The following SLFN12L variants were observed in gnomAD, a reference collection of about 807,000 sequenced individuals.
SLFN12L encodes schlafen family member 12-like.
In SLFN12L, 34 loss-of-function variants were observed where a neutral mutation model predicts 34.8. That is an observed-to-expected ratio of 0.98 (90% CI 0.74 to 1.30). SLFN12L has a LOEUF of 1.30. SLFN12L is among the 50% of genes most tolerant of loss of function. The pLI, the probability that SLFN12L is intolerant of heterozygous loss-of-function variation, is 0.00. For synonymous variants in SLFN12L, 259 were observed against 247.5 expected, an observed-to-expected ratio of 1.05 and a Z score of -0.44; for missense variants, 703 against 696.2, an observed-to-expected ratio of 1.01 and a Z score of -0.11.
At position 35,490,298 on chromosome 17, in the gene SLFN12L, G is replaced by A. The variant is rs1914783097; in HGVS notation, c.87-10103C>T. The A allele has an allele frequency of 2.0e-6, 3 of 1,470,578 alleles. No homozygotes were observed. The African/African-American group carries it at 4.2e-5, about 20-fold the overall frequency. The allele number at this position is 1,470,578 out of a possible 1,614,324, so 91.1% of individuals were successfully genotyped here. On this transcript the variant is annotated intron_variant, in intron 2 of 4. Transcript: ENST00000628453. ...AACCCCCAAGGGCAAAGGAAGAGCT[G>A]CACTAAGAAGTCCAGATACTCCAAA...
intron 2 of SLFN12L, among the ~76,000 whole-genome samples, chr17:35,514,569 A>G (rs2142161780): frequency 6.6e-6 from 1 of 152,368 alleles, no homozygotes; most frequent in African/African-American, 2.4e-5. Context: ...TTAAAAAATG[A>G]AAAGATCTCT....
intron 2 of SLFN12L, among the ~76,000 whole-genome samples, chr17:35,514,283 G>A (rs1369065587): frequency 5.9e-5 from 9 of 152,186 alleles, no homozygotes; most frequent in South Asian, 2.1e-4. Flanking sequence ...AGCACACCTC[G>A]CAGATTTATG....
chr17:35,497,738 G>A lies in SLFN12L; in HGVS notation c.87-17543C>T, dbSNP rs1915140229. Among the ~76,000 whole-genome samples the A allele has an allele frequency of 1.3e-5, 2 of 152,138 alleles. 1 individual carries two copies. Among genetic ancestry groups the A allele is most frequent in the South Asian group, 4.1e-4 (2 of 4,830 alleles). On this transcript the variant is annotated intron_variant, in intron 2 of 4. Transcript: ENST00000628453. ...TTTATTTCACACCAGGGAGAATCAG[G>A]GAGAAGATTCAAAAGCATTGTGTAA...
At chr17:35,517,696 C>T (rs945625091) in intron 2 of SLFN12L, among the ~76,000 whole-genome samples, 5 of 152,170 alleles carry the variant, frequency 3.3e-5, no homozygotes, top group Non-Finnish European at 7.4e-5. Context: ...GGTACCAAAA[C>T]AGATACATCA....
At chr17:35,493,905 T>C (rs1914937933) in intron 2 of SLFN12L, among the ~76,000 whole-genome samples, 1 of 152,242 alleles carries the variant, frequency 6.6e-6, no homozygotes, top group Admixed American at 6.5e-5. Flanking sequence ...TGTTCTTAGT[T>C]GTGGTTCTTC....
intron 1 of SLFN12L, among the ~76,000 whole-genome samples, chr17:35,530,764 C>T (rs2072403975): frequency 6.6e-6 from 1 of 152,122 alleles, no homozygotes; most frequent in Non-Finnish European, 1.5e-5. Flanking sequence ...GAGAAGGGGG[C>T]TCCTAAGACT....
intron 2 of SLFN12L, among the ~76,000 whole-genome samples, chr17:35,485,701 A>G (rs766595148): frequency 2.6e-5 from 4 of 152,238 alleles, no homozygotes; most frequent in Admixed American, 2.0e-4. Flanking sequence ...GGTGAGAGAC[A>G]GGGATCCAGT....
intron 2 of SLFN12L, among the ~76,000 whole-genome samples, chr17:35,510,615 G>A (rs1244635142): frequency 1.3e-5 from 2 of 152,138 alleles, no homozygotes; most frequent in Non-Finnish European, 2.9e-5. Context: ...GAGAGTGAGC[G>A]CTAATGGATG....
At chr17:35,492,272 A>G (rs899568026) in intron 2 of SLFN12L, among the ~76,000 whole-genome samples, 1 of 152,162 alleles carries the variant, frequency 6.6e-6, no homozygotes, top group Admixed American at 6.5e-5. Flanking sequence ...GCTTGGAGCG[A>G]GTCAGTCCTG....
intron 2 of SLFN12L, among the ~76,000 whole-genome samples, chr17:35,519,288 A>G (rs1915930940): frequency 6.6e-6 from 1 of 152,214 alleles, no homozygotes; most frequent in African/African-American, 2.4e-5. Context: ...GCAAACTACC[A>G]TGGCACATGT....
In SLFN12L at chr17:35,479,730, T is replaced by C. The variant is rs1397876287; in HGVS notation, c.552A>G (p.Ala184=). Residue 184 remains alanine (A), a synonymous_variant, in exon 3 of 5, where the codon GCA becomes GCG. Transcript: ENST00000628453. The part of the protein sequence containing the change: ...TSAKVMNASA[A]LEFLKDMEKT... Reference sequence around the variant, plus strand: ...TTTCCATGTCTTTGAGGAACTCCAGTGCAGCAGAAGCATTCATGACTTTTG... The same window carrying C: ...TTTCCATGTCTTTGAGGAACTCCAGCGCAGCAGAAGCATTCATGACTTTTG... The C allele has an allele frequency of 6.2e-7, 1 of 1,614,154 alleles. No individual in the cohort carries two copies. The highest frequency in any genetic ancestry group is 1.3e-5 in the African/African-American group (1 of 75,052).
chr17:35,479,689 G>A lies in SLFN12L; in HGVS notation c.593C>T (p.Ala198Val), dbSNP rs769467787. 3 of 1,613,474 alleles carry A rather than the reference G, an allele frequency of 1.9e-6. No individual in the cohort carries two copies. Among genetic ancestry groups the A allele is most frequent in the Middle Eastern group, 1.7e-4 (1 of 6,058 alleles). ...LKDMEKTGGR[A>V]YLRPEFPAKR... Reference sequence around the variant, plus strand: ...TGCAGGGAATTCTGGTCTTAAATATGCTCTCCCTCCAGTTTTTTCCATGTC... The same window carrying A: ...TGCAGGGAATTCTGGTCTTAAATATACTCTCCCTCCAGTTTTTTCCATGTC... Residue 198 changes from alanine to valine, a missense_variant, in exon 3 of 5, where the codon GCA becomes GTA. Physicochemically the swap from Ala to Val is moderately conservative, Grantham distance 64. Coordinates refer to ENST00000628453, the MANE Select transcript of SLFN12L (RefSeq NM_001363830.2).
At chr17:35,490,078 C>T (rs548219374) in intron 2 of SLFN12L, 8 of 1,606,658 alleles carry the variant, frequency 5.0e-6, no homozygotes, top group Non-Finnish European at 5.9e-6. Context: ...CCGTAGCCAC[C>T]GGCCCCCTCC....
In SLFN12L at chr17:35,466,249, A is replaced by G. The variant is rs1222258397; in HGVS notation, c.*8674T>C. On this transcript the variant is annotated 3_prime_UTR_variant, in exon 5 of 5. Transcript: ENST00000628453. The stretch of plus-strand genomic sequence containing the variant: ...AAATGTATAATGACATATATCTACT[A>G]TATAGTATCAAACACAGGATTTTCA... Among the ~76,000 whole-genome samples, 4 of 152,208 alleles carry G rather than the reference A, an allele frequency of 2.6e-5. No individual in the cohort carries two copies. Among genetic ancestry groups the G allele is most frequent in the Non-Finnish European group, 5.9e-5 (4 of 68,040 alleles).
rs144199485 is a variant in SLFN12L, at chr17:35,527,409, A to C, written c.-605-4440T>G. Among the ~76,000 whole-genome samples, 247 of 152,114 alleles carry C rather than the reference A, an allele frequency of 1.6e-3. 1 individual carries two copies. The highest frequency in any genetic ancestry group is 3.0e-3 in the Non-Finnish European group (202 of 67,936). ...AAAACCTGGTAGAGATACAACAAAA[A>C]AAAGAAAATTTTTTTTGATGAACAT... On this transcript the variant is annotated intron_variant, in intron 1 of 4. Transcript: ENST00000628453.
intron 2 of SLFN12L, chr17:35,491,086 C>T: frequency 1.3e-6 from 1 of 778,506 alleles, no homozygotes. Context: ...CATTTGTGAA[C>T]TTACTGCCTC....
chr17:35,529,624 C>G (rs1457372784), intron 1 of SLFN12L, among the ~76,000 whole-genome samples: 1 of 148,372 alleles, frequency 6.7e-6, no homozygotes, highest in Non-Finnish European at 1.5e-5. Flanking sequence ...TGTTCTCTCT[C>G]ATAAGTGGGA....
chr17:35,504,430 T>C (rs1181840766), intron 2 of SLFN12L, among the ~76,000 whole-genome samples: 1 of 152,322 alleles, frequency 6.6e-6, no homozygotes, highest in South Asian at 2.1e-4. Flanking sequence ...AAAACAAACT[T>C]TGGCAATTAA....
chr17:35,531,424 GTCT>G (rs1384914695), intron 1 of SLFN12L, among the ~76,000 whole-genome samples: 1 of 152,084 alleles, frequency 6.6e-6, no homozygotes, highest in Non-Finnish European at 1.5e-5. Context: ...GCTTACAACT[GTCT>G]TCTTCTGTAT....
Sources: gnomAD v4.1 joint callset for allele counts (sites outside exome capture counted in the v4.1 genomes callset) on GRCh38, gnomAD v4.1.1 for gene constraint, MANE v1.5 for transcripts, NCBI Gene and HGNC (gene_info 2026-07-23, HGNC 2026-07-21) for gene names.